The following TRIM71 variants were observed in gnomAD, a reference collection of about 807,000 sequenced individuals.
TRIM71 encodes the protein tripartite motif containing 71.
TRIM71 carries 9 observed loss-of-function variants against 61.2 expected under a neutral mutation model. The ratio of observed to expected loss-of-function variants is 0.15; its 90% CI spans 0.09 to 0.26. TRIM71 has a LOEUF of 0.26. Ranked by LOEUF, TRIM71 falls within the 10% of genes least tolerant of loss-of-function variation. The pLI, the probability that TRIM71 is intolerant of heterozygous loss-of-function variation, is 1.00. For missense variants in TRIM71, 998 were observed against 1,238.7 expected (o/e 0.81, Z 2.92); for synonymous variants, 645 against 553.2 (o/e 1.17, Z -2.33).
rs1697039565 is a variant in TRIM71, at chr3:32,892,646, A to G, written c.*835A>G. 1 of 152,230 alleles carries G rather than the reference A, an allele frequency of 6.6e-6. No individual in the cohort carries two copies. Among genetic ancestry groups the G allele is most frequent in the South Asian group, 2.1e-4 (1 of 4,832 alleles). The allele number at this position is 152,230 out of a possible 1,614,324, so 9.4% of individuals were successfully genotyped here. A position where few individuals can be genotyped will look rare whatever the true frequency, so the allele number is the denominator to read the frequency against. On this transcript the variant is annotated 3_prime_UTR_variant, in exon 4 of 4. Coordinates refer to ENST00000383763, the MANE Select transcript of TRIM71 (RefSeq NM_001039111.3). ...GCTGAAAATGACACACTGCCTCCCA[A>G]AGAACCTCTCCTTTTCACACTTTGG...
intron 1 of TRIM71, among the ~76,000 whole-genome samples, chr3:32,837,663 C>CA (rs1696350207): frequency 6.6e-6 from 1 of 152,016 alleles, no homozygotes; most frequent in African/African-American, 2.4e-5. Flanking sequence ...ACTAAAAATA[C>CA]AAAAAATTAG....
At chr3:32,818,968 A>ACAC in intron 1 of TRIM71, 36 bp downstream of exon 1, 4 of 1,601,558 alleles carry the variant, frequency 2.5e-6, no homozygotes, top group Non-Finnish European at 3.4e-6. Flanking sequence ...TGTCCATCGG[A>ACAC]TAACTGCGTG....
At chr3:32,851,724 C>G (rs1236306351) in intron 1 of TRIM71, among the ~76,000 whole-genome samples, 1 of 152,160 alleles carries the variant, frequency 6.6e-6, no homozygotes, top group African/African-American at 2.4e-5. Context: ...GGTGGTCTGC[C>G]TGCCTTGGCC....
At chr3:32,819,974 CTCCTTTCCACTTTGGTATTA>C (rs760249557) in intron 1 of TRIM71, among the ~76,000 whole-genome samples, 43 of 152,264 alleles carry the variant, frequency 2.8e-4, no homozygotes, top group Non-Finnish European at 5.7e-4. Context: ...TGACCCCTTT[CTCCTTTCCACTTTGGTATTA>C]TGCGAGTGTC....
chr3:32,870,749 C>A (rs1223583109), intron 1 of TRIM71, among the ~76,000 whole-genome samples: 1 of 152,106 alleles, frequency 6.6e-6, no homozygotes. Flanking sequence ...CACCTTAATT[C>A]TTTATAGTTA....
chr3:32,868,695 T>TC (rs1457144534), intron 1 of TRIM71, among the ~76,000 whole-genome samples: 1 of 151,402 alleles, frequency 6.6e-6, no homozygotes, highest in East Asian at 1.9e-4. Context: ...GGTTTTTTTT[T>TC]TTTTTAAAAA....
Position 32,894,416 on chromosome 3 carries a change from C to T in TRIM71, c.*2605C>T, listed in dbSNP as rs1697058782. The T allele has an allele frequency of 6.6e-6, 1 of 152,128 alleles. No individual in the cohort carries two copies. The highest frequency in any genetic ancestry group is 2.4e-5 in the African/African-American group (1 of 41,412). 9.4% of individuals were successfully genotyped at this position (152,128 alleles called of 1,614,324 possible). On this transcript the variant is annotated 3_prime_UTR_variant, in exon 4 of 4. Transcript: ENST00000383763. The stretch of plus-strand genomic sequence containing the variant: ...TGATCGAAAAGCCAAGATTTTCGCT[C>T]CATGGCTGAAATTATCAGGTCTTAA...
In TRIM71 at chr3:32,868,661, GGAGACAATTGAGT is replaced by G. The variant is rs138336673; in HGVS notation, c.853-5150_853-5138del. On this transcript the variant is annotated intron_variant, in intron 1 of 3. Transcript: ENST00000383763. ...CTTTTTTTTTTTTCATGGTTAAAGT[GGAGACAATTGAGT>G]GAGACATTAGGGTTTTTTTTTTTTT... Among the ~76,000 whole-genome samples the G allele has an allele frequency of 0.014, 2,157 of 149,790 alleles. 145 individuals are homozygous for G. In the East Asian group the frequency reaches 0.23, roughly 16 times the overall value.
At chr3:32,825,569 A>G (rs755325537) in intron 1 of TRIM71, among the ~76,000 whole-genome samples, 6 of 152,310 alleles carry the variant, frequency 3.9e-5, no homozygotes, top group South Asian at 2.1e-4. Context: ...GATGAATTCT[A>G]TACTATGCAG....
intron 1 of TRIM71, among the ~76,000 whole-genome samples, chr3:32,826,689 A>G (rs1483534174): frequency 7.2e-6 from 1 of 138,696 alleles, no homozygotes; most frequent in Non-Finnish European, 1.5e-5. Flanking sequence ...CAAATGGTCC[A>G]CCCACCTTGG....
At position 32,891,382 on chromosome 3, in the gene TRIM71, G is replaced by A; in HGVS notation, c.2178G>A (p.Leu726=). The change falls in exon 4 of 4, where the codon CTG becomes CTA. Residue 726 remains leucine (L), a synonymous_variant. Coordinates refer to ENST00000383763, the MANE Select transcript of TRIM71 (RefSeq NM_001039111.3). The surrounding 1 kb of genome is among the most constrained non-coding windows in gnomAD (Gnocchi z 8.2). ...ACACGAGGAACCACCGGATCCAGCTGTTTGGGCCTGATGGTGTCTTCCTAA... is the reference window on the plus strand; with the variant it reads ...ACACGAGGAACCACCGGATCCAGCTATTTGGGCCTGATGGTGTCTTCCTAA... The part of the protein sequence containing the change: ...VSDTRNHRIQ[L]FGPDGVFLNK... 6.2e-7 allele frequency: 1 copy of A among 1,614,174 alleles called. No homozygotes were observed. The highest frequency in any genetic ancestry group is 2.2e-5 in the East Asian group (1 of 44,888).
In TRIM71 at chr3:32,886,012, G is replaced by A. The variant is rs766160389; in HGVS notation, c.1099G>A (p.Val367Met). Reference sequence around the variant, plus strand: ...GGTTGTGCAGTCGGAGGTCAAAGCCGTGACGGCGAGGCATAAGAAAGCCCT... The same window carrying A: ...GGTTGTGCAGTCGGAGGTCAAAGCCATGACGGCGAGGCATAAGAAAGCCCT... ...AKVVQSEVKAVTARHKKALEE... is the reference protein window; with the variant it reads ...AKVVQSEVKAMTARHKKALEE... Residue 367 changes from valine (V) to methionine (M), a missense_variant, in exon 3 of 4, where the codon GTG becomes ATG. Physicochemically the swap from Val to Met is conservative, Grantham distance 21. This residue lies in a region of TRIM71 where 291 missense variants were observed against 431.2 expected (regional missense o/e 0.67). Transcript: ENST00000383763. The A allele has an allele frequency of 6.8e-6, 11 of 1,614,052 alleles. No homozygotes were observed. The highest frequency in any genetic ancestry group is 4.5e-5 in the East Asian group (2 of 44,896).
chr3:32,824,323 G>A (rs900161329), intron 1 of TRIM71, among the ~76,000 whole-genome samples: 2 of 151,062 alleles, frequency 1.3e-5, no homozygotes, highest in African/African-American at 2.4e-5. Context: ...GATTACAGGC[G>A]CTCGTCACCT....
At chr3:32,860,894 G>A (rs1471465949) in intron 1 of TRIM71, among the ~76,000 whole-genome samples, 1 of 152,158 alleles carries the variant, frequency 6.6e-6, no homozygotes, top group Admixed American at 6.5e-5. Context: ...AAATCGTGGG[G>A]CTGGGCGCGG....
At chr3:32,886,809 G>A (rs1696967507) in intron 3 of TRIM71, among the ~76,000 whole-genome samples, 1 of 152,186 alleles carries the variant, frequency 6.6e-6, no homozygotes, top group Admixed American at 6.5e-5. Context: ...GTTTCTGCAA[G>A]TGAACTTTGC....
intron 1 of TRIM71, among the ~76,000 whole-genome samples, chr3:32,821,165 TC>T (rs1227258657): frequency 6.6e-6 from 1 of 152,164 alleles, no homozygotes; most frequent in East Asian, 1.9e-4. Context: ...TAAAAAGTCA[TC>T]CCTCTCTGGC....
At chr3:32,835,313 A>G (rs1025448533) in intron 1 of TRIM71, among the ~76,000 whole-genome samples, 1 of 152,120 alleles carries the variant, frequency 6.6e-6, no homozygotes, top group Non-Finnish European at 1.5e-5. Flanking sequence ...TTCTCATTTT[A>G]ATTTCTTGAC....
intron 1 of TRIM71, among the ~76,000 whole-genome samples, chr3:32,829,945 T>TCC (rs370985878): frequency 4.0e-4 from 57 of 141,286 alleles, no homozygotes; most frequent in Middle Eastern, 3.9e-3. Flanking sequence ...TTTTTTTTTT[T>TCC]CGAGATGGAG....
chr3:32,833,752 T>G (rs2125676874), intron 1 of TRIM71, among the ~76,000 whole-genome samples: 2 of 152,186 alleles, frequency 1.3e-5, no homozygotes, highest in South Asian at 4.1e-4. Context: ...TGAAATATTT[T>G]CTGCAATATG....
Sources: allele counts gnomAD v4.1 joint callset (sites outside exome capture counted in the v4.1 genomes callset), GRCh38; gene constraint gnomAD v4.1.1; regional missense constraint gnomAD v4.1.1; non-coding constraint Gnocchi (gnomAD v3.1); transcripts MANE v1.5; gene names NCBI Gene and HGNC (gene_info 2026-07-23, HGNC 2026-07-21).